Variants in LITAF observed in about 807,000 individuals in gnomAD.
LITAF encodes lipopolysaccharide-induced tumor necrosis factor-alpha factor.
In LITAF, 9 loss-of-function variants were observed where a neutral mutation model predicts 14.5. The ratio of observed to expected loss-of-function variants is 0.62; its 90% CI spans 0.37 to 1.08. The LOEUF (loss-of-function observed/expected upper bound fraction) is 1.08, where lower values mean the gene tolerates loss of function less well. Among genes scored for constraint, LITAF ranks in the 50% least tolerant of loss-of-function variants. The probability of loss-of-function intolerance (pLI) is 0.01; values close to 1 mark genes in which losing one functional copy is unlikely to be tolerated. For missense variants in LITAF, 206 were observed against 213.4 expected, an observed-to-expected ratio of 0.97 and a Z score of 0.22; for synonymous variants, 98 against 88.2, an observed-to-expected ratio of 1.11 and a Z score of -0.62.
At chr16:11,584,641 T>C (rs2064782587) in intron 1 of LITAF, among the ~76,000 whole-genome samples, 1 of 152,148 alleles carries the variant, frequency 6.6e-6, no homozygotes, top group African/African-American at 2.4e-5. Flanking sequence ...TCCATGAAAC[T>C]TTCTCTAACT....
At chr16:11,560,912 A>T (rs536985163) in intron 1 of LITAF, among the ~76,000 whole-genome samples, 4 of 152,338 alleles carry the variant, frequency 2.6e-5, no homozygotes, top group African/African-American at 9.6e-5. Flanking sequence ...GTACAGGAAC[A>T]GAAATGCAGC....
chr16:11,549,225 G>A lies in LITAF; in HGVS notation c.*412C>T, dbSNP rs1197562532. On this transcript the variant is annotated 3_prime_UTR_variant, in exon 4 of 4. Transcript: ENST00000622633. This position sits in a 1 kb window ranked among gnomAD's most constrained non-coding sequence, Gnocchi z 4.6. ...AAAGGCTGGTTCAGCCGAGCTCTGGGCAGAACAGCCTCAAAAATAAGGCAA... is the reference window on the plus strand; with the variant it reads ...AAAGGCTGGTTCAGCCGAGCTCTGGACAGAACAGCCTCAAAAATAAGGCAA... 2.3e-6 allele frequency: 1 copy of A among 443,576 alleles called. No individual in the cohort carries two copies. The highest frequency in any genetic ancestry group is 4.5e-6 in the Non-Finnish European group (1 of 221,288). 27.5% of individuals were successfully genotyped at this position (443,576 alleles called of 1,614,324 possible). A position where few individuals can be genotyped will look rare whatever the true frequency, so the allele number is the denominator to read the frequency against.
Position 11,605,128 on chromosome 16 carries a change from T to C in LITAF, c.85+28405A>G, listed in dbSNP as rs1476569134. The stretch of plus-strand genomic sequence containing the variant: ...CAGGGCTCCCAGGAACAGGAATGTG[T>C]CCTTTCCTCTCTCTCTCTCTCTCTC... On this transcript the variant is annotated intron_variant, in intron 3 of 3. Transcript: ENST00000574848. The surrounding 1 kb of genome is among the most constrained non-coding windows in gnomAD (Gnocchi z 4.7). 6.6e-6 allele frequency among the ~76,000 whole-genome samples: 1 copy of C among 152,106 alleles called. No individual in the cohort carries two copies. The highest frequency in any genetic ancestry group is 1.9e-4 in the East Asian group (1 of 5,186).
chr16:11,627,161 G>T (rs2065089037), intron 3 of LITAF, among the ~76,000 whole-genome samples: 2 of 152,188 alleles, frequency 1.3e-5, no homozygotes, highest in Non-Finnish European at 2.9e-5. Context: ...AGCATCTCCT[G>T]AGCCTCAGTG....
At chr16:11,560,426 C>T (rs983907736) in intron 1 of LITAF, among the ~76,000 whole-genome samples, 4 of 151,958 alleles carry the variant, frequency 2.6e-5, no homozygotes, top group Non-Finnish European at 4.4e-5. Context: ...GCCTGGCCAA[C>T]ATGGTGAAAC....
At chr16:11,615,653 G>C (rs1486967467) in intron 3 of LITAF, among the ~76,000 whole-genome samples, 1 of 152,196 alleles carries the variant, frequency 6.6e-6, no homozygotes, top group Non-Finnish European at 1.5e-5. Context: ...GGGAGACAGA[G>C]TGAGACTATG....
At position 11,557,331 on chromosome 16, in the gene LITAF, G is replaced by T. The variant is rs1015480108; in HGVS notation, c.-5-596C>A. On this transcript the variant is annotated intron_variant, in intron 1 of 3. Transcript: ENST00000622633. The stretch of plus-strand genomic sequence containing the variant: ...GGGGTATGAGGGGGCCTTTGCGGGG[G>T]GCGGGTCCTGTTCTCTTTCTTCACC... Among the ~76,000 whole-genome samples, 3 of 151,572 alleles carry T rather than the reference G, an allele frequency of 2.0e-5. No individual in the cohort carries two copies. In the East Asian group the frequency reaches 5.8e-4, roughly 29 times the overall value.
intron 1 of LITAF, 151 bp from the exon 2 acceptor site, chr16:11,556,886 T>C: frequency 5.5e-6 from 4 of 727,588 alleles, no homozygotes; most frequent in Non-Finnish European, 9.5e-6. Flanking sequence ...AGAGGGTTAA[T>C]GTCCCTTCAA....
chr16:11,554,485 A>G (rs1360927090), intron 2 of LITAF, among the ~76,000 whole-genome samples: 1 of 152,092 alleles, frequency 6.6e-6, no homozygotes, highest in Non-Finnish European at 1.5e-5. Flanking sequence ...ATTCTCAAGA[A>G]TCAGAAGAGA....
At chr16:11,604,868 A>T (rs1433440885) in intron 3 of LITAF, among the ~76,000 whole-genome samples, 3 of 151,918 alleles carry the variant, frequency 2.0e-5, no homozygotes, top group Non-Finnish European at 4.4e-5. Context: ...GCTGCGTCAA[A>T]CTGCTTCCTG....
At chr16:11,595,186 C>T (rs561894646) in intron 1 of LITAF, among the ~76,000 whole-genome samples, 4 of 152,148 alleles carry the variant, frequency 2.6e-5, no homozygotes, top group African/African-American at 7.2e-5. Flanking sequence ...ATACATCACA[C>T]GCTTTATCCT....
intron 3 of LITAF, among the ~76,000 whole-genome samples, chr16:11,611,342 G>A (rs193051185): frequency 9.9e-4 from 150 of 152,182 alleles, no homozygotes; most frequent in Non-Finnish European, 1.6e-3. Flanking sequence ...GACCCTGTCT[G>A]CAAAACATAT....
Position 11,553,601 on chromosome 16 carries a change from G to A in LITAF, c.309C>T (p.Ile103=), listed in dbSNP as rs1755285458. 14 of 1,614,134 alleles carry A rather than the reference G, an allele frequency of 8.7e-6. No individual in the cohort carries two copies. The highest frequency in any genetic ancestry group is 1.6e-4 in the Middle Eastern group (1 of 6,062). The part of the protein sequence containing the change: ...QMCCPSCNKM[I]VSQLSYNAGA... ...CGGCGTTATAGGACAGCTGACTCACGATCATCTTGTTGCAGGAAGGACAAC... is the reference window on the plus strand; with the variant it reads ...CGGCGTTATAGGACAGCTGACTCACAATCATCTTGTTGCAGGAAGGACAAC... The change falls in exon 3 of 4, where the codon ATC becomes ATT. Residue 103 remains isoleucine (I), a synonymous_variant. Coordinates refer to ENST00000622633, the MANE Select transcript of LITAF (RefSeq NM_001136472.2). The surrounding 1 kb of genome is among the most constrained non-coding windows in gnomAD (Gnocchi z 7.7).
In LITAF at chr16:11,616,835, C is replaced by A. The variant is rs1001832559; in HGVS notation, c.85+16698G>T. On this transcript the variant is annotated intron_variant, in intron 3 of 3. Coordinates refer to the LITAF transcript ENST00000574848. The stretch of plus-strand genomic sequence containing the variant: ...GCTGAGGCAGGAGGATCACCTGAGC[C>A]CAAGAGGTTGAGGCTGCAGTGAGCT... Among the ~76,000 whole-genome samples, 8 of 148,848 alleles carry A rather than the reference C, an allele frequency of 5.4e-5. No individual in the cohort carries two copies. The East Asian group carries it at 1.6e-3, about 30-fold the overall frequency.
chr16:11,556,215 A>T (rs540202166), intron 2 of LITAF: 12 of 528,596 alleles, frequency 2.3e-5, no homozygotes, highest in African/African-American at 2.1e-4. Context: ...CGGGCCCTTA[A>T]GACACAAACT....
chr16:11,600,395 G>A (rs1204215477), upstream of LITAF, among the ~76,000 whole-genome samples: 3 of 152,234 alleles, frequency 2.0e-5, no homozygotes, highest in Non-Finnish European at 4.4e-5. The surrounding 1 kb of genome is among the most constrained non-coding windows in gnomAD (Gnocchi z 4.1). Context: ...TGTCCCAGAT[G>A]CCTGGCATAG....
chr16:11,603,512 T>C (rs1210856088), intron 3 of LITAF, among the ~76,000 whole-genome samples: 3 of 152,204 alleles, frequency 2.0e-5, no homozygotes, highest in African/African-American at 7.2e-5. Context: ...ATGTCGGTCT[T>C]CATTTTCCAA....
At chr16:11,571,627 C>G (rs1461627190) in intron 1 of LITAF, among the ~76,000 whole-genome samples, 1 of 152,168 alleles carries the variant, frequency 6.6e-6, no homozygotes, top group African/African-American at 2.4e-5. Flanking sequence ...AGGCATCTGT[C>G]TGCCCGCCCT....
At chr16:11,574,784 C>T (rs944233135) in intron 1 of LITAF, among the ~76,000 whole-genome samples, 29 of 132,548 alleles carry the variant, frequency 2.2e-4, no homozygotes, top group African/African-American at 8.3e-4. Context: ...TAACAACATC[C>T]TATTTGTCAA....
Sources: gnomAD v4.1 joint callset for allele counts (sites outside exome capture counted in the v4.1 genomes callset) on GRCh38, gnomAD v4.1.1 for gene constraint, Gnocchi (gnomAD v3.1) non-coding constraint, MANE v1.5 for transcripts, NCBI Gene and HGNC (gene_info 2026-07-23, HGNC 2026-07-21) for gene names.